Variants in LINGO2 observed in about 807,000 individuals in gnomAD.
LINGO2 encodes leucine rich repeat and Ig domain containing 2.
In LINGO2, 14 loss-of-function variants were observed where a neutral mutation model predicts 30.6. The observed-to-expected ratio is 0.46, with a 90% CI of 0.30 to 0.72. LINGO2 has a LOEUF of 0.72. LINGO2 is among the 30% of genes least tolerant of loss of function. LINGO2 has a pLI of 0.07. For synonymous variants in LINGO2, 317 were observed against 288.5 expected, an observed-to-expected ratio of 1.10 and a Z score of -1.00; for missense variants, 729 against 751.7, an observed-to-expected ratio of 0.97 and a Z score of 0.35.
At chr9:28,014,543 ATTTT>A in intron 4 of LINGO2, among the ~76,000 whole-genome samples, 1 of 77,864 alleles carries the variant, frequency 1.3e-5, no homozygotes, top group South Asian at 5.2e-4. Flanking sequence ...CACTAGATAA[ATTTT>A]ACTTTTTTAT....
chr9:28,098,730 T>C (rs984071517), intron 4 of LINGO2, among the ~76,000 whole-genome samples: 1 of 152,148 alleles, frequency 6.6e-6, no homozygotes, highest in African/African-American at 2.4e-5. Context: ...TTAAGCATTA[T>C]AAAATATCAA....
chr9:28,677,234 T>A, the LINGO2 span, among the ~76,000 whole-genome samples: 3 of 152,172 alleles, frequency 2.0e-5, no homozygotes, highest in Non-Finnish European at 4.4e-5. Context: ...TACTAAGAAC[T>A]GCTACACTAT....
At chr9:28,274,452 G>C (rs903780952) in intron 4 of LINGO2, among the ~76,000 whole-genome samples, 2 of 152,086 alleles carry the variant, frequency 1.3e-5, no homozygotes, top group South Asian at 2.1e-4. Context: ...AAATAACTTG[G>C]AAATTCCCCT....
intron 1 of LINGO2, among the ~76,000 whole-genome samples, chr9:28,631,112 C>A (rs1449228440): frequency 2.0e-5 from 3 of 151,816 alleles, no homozygotes; most frequent in Non-Finnish European, 2.9e-5. Context: ...CTCCAAGGAT[C>A]AATGCTACAT....
intron 4 of LINGO2, among the ~76,000 whole-genome samples, chr9:28,193,733 A>G (rs10968374): frequency 0.078 from 11,899 of 152,250 alleles, 666 homozygotes; most frequent in East Asian, 0.2. Flanking sequence ...GTGGGTCACA[A>G]ACTGAGAAAG....
At chr9:28,921,737 A>T in the LINGO2 span, among the ~76,000 whole-genome samples, 1 of 152,200 alleles carries the variant, frequency 6.6e-6, no homozygotes, top group African/African-American at 2.4e-5. Context: ...CTCACCAGTT[A>T]TTCCATCTTG....
At chr9:28,456,087 T>C (rs1824835279) in intron 2 of LINGO2, among the ~76,000 whole-genome samples, 1 of 152,220 alleles carries the variant, frequency 6.6e-6, no homozygotes, top group Admixed American at 6.6e-5. Flanking sequence ...TAACCTGTTA[T>C]GGTTAGTAAT....
chr9:29,106,098 T>G, the LINGO2 span, among the ~76,000 whole-genome samples: 1 of 152,176 alleles, frequency 6.6e-6, no homozygotes, highest in Admixed American at 6.5e-5. Context: ...TTTGGCAATT[T>G]GTTATGCAGC....
chr9:28,030,913 G>A (rs1823635616), intron 4 of LINGO2, among the ~76,000 whole-genome samples: 1 of 152,140 alleles, frequency 6.6e-6, no homozygotes, highest in Non-Finnish European at 1.5e-5. Flanking sequence ...GCATACCATT[G>A]ACAAATTGCT....
At chr9:29,084,729 C>A in the LINGO2 span, among the ~76,000 whole-genome samples, 1 of 152,042 alleles carries the variant, frequency 6.6e-6, no homozygotes, top group South Asian at 2.1e-4. Flanking sequence ...AAGAGCTGTT[C>A]TTACTCTGAA....
intron 2 of LINGO2, among the ~76,000 whole-genome samples, chr9:28,475,527 G>C (rs1342582895): frequency 6.6e-6 from 1 of 152,136 alleles, no homozygotes; most frequent in Non-Finnish European, 1.5e-5. Flanking sequence ...AAAGTATTTA[G>C]TGGTTATTAC....
chr9:28,189,289 GAGGAAGGAAGGAAGGGAGGAAGGAAGGA>G (rs1819670093), intron 4 of LINGO2, among the ~76,000 whole-genome samples: 3 of 17,280 alleles, frequency 1.7e-4, no homozygotes, highest in Non-Finnish European at 2.2e-4. Flanking sequence ...GGGAGGGAGG[GAGGAAGGAAGGAAGGGAGGAAGGAAGGA>G]AGGAAGGGAG....
intron 2 of LINGO2, among the ~76,000 whole-genome samples, chr9:28,471,523 C>T (rs1056565853): frequency 2.0e-5 from 3 of 152,170 alleles, no homozygotes; most frequent in Non-Finnish European, 1.5e-5. Context: ...CAGGGGACCA[C>T]ATTTTTCACA....
intron 3 of LINGO2, among the ~76,000 whole-genome samples, chr9:28,328,582 A>G (rs1825311519): frequency 6.6e-6 from 1 of 152,150 alleles, no homozygotes; most frequent in Non-Finnish European, 1.5e-5. Context: ...AATGACGGAA[A>G]TAATTTAGAA....
intron 3 of LINGO2, among the ~76,000 whole-genome samples, chr9:28,316,499 TG>T (rs1180974934): frequency 6.6e-6 from 1 of 152,122 alleles, no homozygotes; most frequent in African/African-American, 2.4e-5. Context: ...AAGTGGAATC[TG>T]GAAAAGTACA....
intron 1 of LINGO2, among the ~76,000 whole-genome samples, chr9:28,639,225 G>A (rs1827445485): frequency 6.6e-6 from 1 of 152,174 alleles, no homozygotes; most frequent in Non-Finnish European, 1.5e-5. Flanking sequence ...TTGCTGAGCA[G>A]TGCTTTACTT....
the LINGO2 span, among the ~76,000 whole-genome samples, chr9:28,795,206 T>C: frequency 6.6e-6 from 1 of 152,226 alleles, no homozygotes; most frequent in Non-Finnish European, 1.5e-5. Context: ...AGCAAGGACT[T>C]TGTGCCTGTC....
At chr9:28,837,055 T>C in the LINGO2 span, among the ~76,000 whole-genome samples, 2 of 152,324 alleles carry the variant, frequency 1.3e-5, no homozygotes, top group East Asian at 3.9e-4. Context: ...ACAGTTATGT[T>C]TGTGAGTATG....
chr9:28,929,667 C>T, the LINGO2 span, among the ~76,000 whole-genome samples: 1 of 152,192 alleles, frequency 6.6e-6, no homozygotes, highest in Non-Finnish European at 1.5e-5. Flanking sequence ...CCCATGACAT[C>T]ATGGCACACA....
Sources: allele counts gnomAD v4.1 joint callset (sites outside exome capture counted in the v4.1 genomes callset), GRCh38; gene constraint gnomAD v4.1.1; transcripts MANE v1.5; gene names NCBI Gene and HGNC (gene_info 2026-07-23, HGNC 2026-07-21).